WWC1: variants seen among roughly 807,000 people sequenced by gnomAD.
WWC1 encodes protein KIBRA.
Under a neutral mutation model 138.4 loss-of-function variants are expected in WWC1, and 55 were observed. The ratio of observed to expected loss-of-function variants is 0.40; its 90% CI spans 0.32 to 0.50. The LOEUF (loss-of-function observed/expected upper bound fraction) is 0.50. WWC1 is among the 20% of genes least tolerant of loss of function. The pLI is 0.72. For missense variants in WWC1, 1,226 were observed against 1,420.4 expected (o/e 0.86, Z 2.20); for synonymous variants, 524 against 564.9 (o/e 0.93, Z 1.03).
chr5:168,369,655 C>T (rs1304519339), intron 1 of WWC1, among the ~76,000 whole-genome samples: 2 of 152,200 alleles, frequency 1.3e-5, no homozygotes, highest in East Asian at 3.9e-4. Flanking sequence ...CAGTAAATTA[C>T]TATCAGAAGC....
Position 168,375,286 on chromosome 5 carries a change from G to A in WWC1, c.229+3753G>A, listed in dbSNP as rs373191461. ...AGAGGAAAAGCAGCAATGATTCTGA[G>A]AAAGAGTGATCAGAAAGGAGGGAGG... On this transcript the variant is annotated intron_variant, in intron 2 of 22. Coordinates refer to ENST00000265293, the MANE Select transcript of WWC1 (RefSeq NM_015238.3). 1.9e-3 allele frequency among the ~76,000 whole-genome samples: 286 copies of A among 152,262 alleles called. 2 individuals are homozygous for A. The highest frequency in any genetic ancestry group is 6.4e-3 in the African/African-American group (264 of 41,566).
At chr5:168,295,338 GGAA>G (rs1429452585) in intron 1 of WWC1, among the ~76,000 whole-genome samples, 1 of 152,098 alleles carries the variant, frequency 6.6e-6, no homozygotes, top group Non-Finnish European at 1.5e-5. Context: ...ATGAGAAAAA[GGAA>G]GAAGAAATTT....
intron 1 of WWC1, among the ~76,000 whole-genome samples, chr5:168,340,270 T>C (rs1028855870): frequency 7.9e-5 from 12 of 152,110 alleles, no homozygotes; most frequent in Non-Finnish European, 1.3e-4. Context: ...GAGACGGAGT[T>C]TCCTCACGTT....
chr5:168,454,957 G>C (rs1409532074), intron 18 of WWC1, among the ~76,000 whole-genome samples: 1 of 152,214 alleles, frequency 6.6e-6, no homozygotes, highest in African/African-American at 2.4e-5. Flanking sequence ...AGCAACCGTA[G>C]TACTTTGCCA....
chr5:168,366,849 G>A (rs1237988816), intron 1 of WWC1, among the ~76,000 whole-genome samples: 1 of 141,096 alleles, frequency 7.1e-6, no homozygotes. Context: ...TTGCTCTGGA[G>A]TGCAGTGGTG....
chr5:168,316,544 G>A (rs1771617787), intron 1 of WWC1: 1 of 152,232 alleles, frequency 6.6e-6, no homozygotes, highest in Non-Finnish European at 1.5e-5. Flanking sequence ...GACCTCAGGG[G>A]ACTCAGCCCA....
intron 17 of WWC1, among the ~76,000 whole-genome samples, chr5:168,448,929 A>G (rs1755543052): frequency 6.6e-6 from 1 of 152,086 alleles, no homozygotes; most frequent in African/African-American, 2.4e-5. Flanking sequence ...ATAAGATTTT[A>G]TTAATAAATG....
chr5:168,363,844 G>GC (rs1776080070), intron 1 of WWC1, among the ~76,000 whole-genome samples: 1 of 152,154 alleles, frequency 6.6e-6, no homozygotes, highest in Non-Finnish European at 1.5e-5. Flanking sequence ...GAGTGACAGT[G>GC]CCTGCATTGG....
chr5:168,408,469 G>C (rs756464173), intron 6 of WWC1, 38 bp from the exon 7 acceptor site: 2 of 1,606,600 alleles, frequency 1.2e-6, no homozygotes, highest in South Asian at 1.1e-5. Flanking sequence ...CTCCCTCCTG[G>C]GAAGGCGCAT....
chr5:168,466,086 G>T (rs926533196), intron 21 of WWC1, among the ~76,000 whole-genome samples: 5 of 152,110 alleles, frequency 3.3e-5, no homozygotes, highest in African/African-American at 1.2e-4. Flanking sequence ...TAGGCCCAGG[G>T]TTTATCTATC....
intron 3 of WWC1, among the ~76,000 whole-genome samples, chr5:168,397,413 G>C (rs1778983159): frequency 1.3e-5 from 2 of 152,118 alleles, no homozygotes; most frequent in Non-Finnish European, 2.9e-5. Context: ...AAAGGGCTGG[G>C]ATTATAAGCT....
chr5:168,326,833 C>T (rs951547197), intron 1 of WWC1, among the ~76,000 whole-genome samples: 2 of 152,196 alleles, frequency 1.3e-5, no homozygotes, highest in Non-Finnish European at 2.9e-5. Flanking sequence ...CCACCGTGCC[C>T]GGCCGGACCG....
chr5:168,342,782 A>G (rs906238295), intron 1 of WWC1, among the ~76,000 whole-genome samples: 1 of 152,182 alleles, frequency 6.6e-6, no homozygotes, highest in Non-Finnish European at 1.5e-5. Flanking sequence ...ATCCACTGGA[A>G]AGTCTTGAGC....
intron 2 of WWC1, 47 bp downstream of exon 2, chr5:168,371,580 C>T (rs2287703): frequency 0.59 from 832,503 of 1,401,976 alleles, 249,336 homozygotes; most frequent in African/African-American, 0.74. Context: ...TTCATCCCTC[C>T]ACCTCCAAGC....
intron 5 of WWC1, among the ~76,000 whole-genome samples, chr5:168,401,890 T>C (rs1156228888): frequency 6.6e-6 from 1 of 152,166 alleles, no homozygotes; most frequent in African/African-American, 2.4e-5. Context: ...TTTGACCTAT[T>C]GAAGCAATAG....
intron 2 of WWC1, among the ~76,000 whole-genome samples, chr5:168,380,183 G>A (rs35283341): frequency 0.077 from 11,654 of 152,234 alleles, 577 homozygotes; most frequent in South Asian, 0.1. Context: ...AGTCGCTCAT[G>A]CCTGTAATCC....
chr5:168,414,642 T>G, intron 9 of WWC1, 52 bp downstream of exon 9: 1 of 1,496,588 alleles, frequency 6.7e-7, no homozygotes, highest in Non-Finnish European at 8.9e-7. Flanking sequence ...TGGCAGTCTG[T>G]CCTCAGCCCC....
rs370671526 is a variant in WWC1 at position 168,423,665 on chromosome 5, C to G, written c.1407C>G (p.Pro469=). The part of the protein sequence containing the change: ...SASFTDLYYD[P]FEQLDSELQS... The stretch of plus-strand genomic sequence containing the variant: ...GCTTCACTGACCTCTACTATGACCC[C>G]TTTGAGCAGCTGGACTCAGAGCTGC... Residue 469 remains proline (P), a synonymous_variant, in exon 11 of 23, where the codon CCC becomes CCG. Coordinates refer to ENST00000265293, the MANE Select transcript of WWC1 (RefSeq NM_015238.3). The G allele has an allele frequency of 5.3e-5, 86 of 1,614,090 alleles. No individual in the cohort carries two copies. Among genetic ancestry groups the G allele is most frequent in the Non-Finnish European group, 6.9e-5 (81 of 1,180,054 alleles).
chr5:168,373,719 TAAAAAAAAAAAAAAAAAA>T (rs368930085), intron 2 of WWC1, among the ~76,000 whole-genome samples: 9 of 52,650 alleles, frequency 1.7e-4, no homozygotes, highest in Middle Eastern at 0.021. Context: ...CCTTGTCTCT[TAAAAAAAAAAAAAAAAAA>T]AAAAAAAAAA....
Sources: allele counts gnomAD v4.1 joint callset (sites outside exome capture counted in the v4.1 genomes callset), GRCh38; gene constraint gnomAD v4.1.1; transcripts MANE v1.5; gene names NCBI Gene and HGNC (gene_info 2026-07-23, HGNC 2026-07-21).